PHLDB1: variants seen among roughly 807,000 people sequenced by gnomAD.
PHLDB1 encodes pleckstrin homology like domain family B member 1.
A neutral mutation model predicts 139.3 loss-of-function variants in PHLDB1; 65 were observed. That is an observed-to-expected ratio of 0.47 (90% confidence interval 0.38 to 0.57). The LOEUF (loss-of-function observed/expected upper bound fraction) is 0.57, where lower values mean the gene tolerates loss of function less well. Ranked by LOEUF, PHLDB1 falls within the 20% of genes least tolerant of loss-of-function variation. The pLI is 0.00. For synonymous variants in PHLDB1, 679 were observed against 734.5 expected (o/e 0.92, Z 1.22); for missense variants, 1,624 against 1,839.7 (o/e 0.88, Z 2.14).
chr11:118,638,794 C>T, intron 10 of PHLDB1, 97 bp from the exon 11 acceptor site: 1 of 882,312 alleles, frequency 1.1e-6, no homozygotes, highest in South Asian at 1.8e-5. Context: ...TCCCCTTCAC[C>T]TGAGCCTTGA....
rs782683415 is a variant in PHLDB1, at chr11:118,628,465, A to G, written c.1642A>G (p.Thr548Ala). Residue 548 changes from threonine (T) to alanine (A), a missense_variant, in exon 6 of 23, where the codon ACT becomes GCT. Transcript: ENST00000600882. The part of the protein sequence containing the change: ...LSPAYSLGSL[T>A]GASPCQSPCV... ...CCCAGCCTACAGTCTGGGCTCTCTT[A>G]CTGGGGCTTCACCCTGCCAGAGTCC... 6.8e-5 allele frequency: 110 copies of G among 1,612,352 alleles called. No individual in the cohort carries two copies. Among genetic ancestry groups the G allele is most frequent in the Non-Finnish European group, 9.2e-5 (109 of 1,179,756 alleles).
chr11:118,650,006 G>A lies in PHLDB1; in HGVS notation c.3655-71G>A, dbSNP rs564068667. The A allele has an allele frequency of 2.6e-6, 3 of 1,151,098 alleles. No individual in the cohort carries two copies. In the Admixed American group the frequency reaches 5.1e-5, roughly 19 times the overall value. The allele number at this position is 1,151,098 out of a possible 1,614,324, so 71.3% of individuals were successfully genotyped here. ...CAGGCTGTTGGGGTTTAGAAGTGAA[G>A]CCAAGGGGCCTGGACAGGGGAATAA... On this transcript the variant is annotated intron_variant, in intron 18 of 22. Coordinates refer to ENST00000600882, the MANE Select transcript of PHLDB1 (RefSeq NM_001144758.3). This position sits in a 1 kb window ranked among gnomAD's most constrained non-coding sequence, Gnocchi z 4.7.
At chr11:118,642,509 A>G in intron 13 of PHLDB1, 115 bp downstream of exon 13, 2 of 1,185,864 alleles carry the variant, frequency 1.7e-6, no homozygotes, top group East Asian at 2.4e-5. Context: ...CAGCCCAGTC[A>G]GGGCAATGAG....
In PHLDB1 at chr11:118,644,151, G is replaced by A. The variant is rs782421413; in HGVS notation, c.3098G>A (p.Arg1033His). The A allele has an allele frequency of 5.6e-6, 9 of 1,612,562 alleles. No homozygotes were observed. The highest frequency in any genetic ancestry group is 2.2e-5 in the South Asian group (2 of 90,976). Residue 1033 changes from arginine (R) to histidine (H), a missense_variant, in exon 15 of 23, where the codon CGC becomes CAC. By Grantham distance (29) the Arg-to-His change is conservative. Transcript: ENST00000600882. ...ACACTGCAGGACATCGAGACCAAGC[G>A]CCAACTAGCTCTGCAGCAGAAGGGT... is the stretch of plus-strand genomic sequence containing the variant. ...AATLQDIETK[R>H]QLALQQKGQQ...
Position 118,650,045 on chromosome 11 carries a change from G to A in PHLDB1, c.3655-32G>A. The A allele has an allele frequency of 3.4e-6, 5 of 1,487,480 alleles. No individual in the cohort carries two copies. Among genetic ancestry groups the A allele is most frequent in the Non-Finnish European group, 4.7e-6 (5 of 1,064,600 alleles). 92.1% of individuals were successfully genotyped at this position (1,487,480 alleles called of 1,614,324 possible). On this transcript the variant is annotated intron_variant, in intron 18 of 22. Transcript: ENST00000600882. The surrounding 1 kb of genome is among the most constrained non-coding windows in gnomAD (Gnocchi z 4.7). ...ACAGGGGAATAATGAGGGAAGAGAG[G>A]AGACTCTCCTGACCCTCCCTCTTGC...
At chr11:118,614,440 C>A in intron 2 of PHLDB1, 119 bp from the exon 3 acceptor site, 1 of 1,083,976 alleles carries the variant, frequency 9.2e-7, no homozygotes, top group Non-Finnish European at 1.3e-6. Context: ...CTAAGCCTTT[C>A]AGCACCCTCA....
At chr11:118,646,151 G>A (rs1276263172) in intron 17 of PHLDB1, among the ~76,000 whole-genome samples, 3 of 151,524 alleles carry the variant, frequency 2.0e-5, no homozygotes, top group Non-Finnish European at 4.4e-5. Flanking sequence ...TCCCAGCTGC[G>A]CGGGAGGCTG....
chr11:118,655,941 C>G, intron 22 of PHLDB1, 49 bp downstream of exon 22: 1 of 1,350,778 alleles, frequency 7.4e-7, no homozygotes, highest in Non-Finnish European at 1.1e-6. Context: ...CCTCCTGTAC[C>G]CCACTCATCC....
In PHLDB1 at chr11:118,657,975, T is replaced by G. The variant is rs1591823713; in HGVS notation, c.*1152T>G. 6.6e-6 allele frequency: 2 copies of G among 302,166 alleles called. No individual in the cohort carries two copies. Among genetic ancestry groups the G allele is most frequent in the Non-Finnish European group, 1.2e-5 (2 of 160,958 alleles). The allele number at this position is 302,166 out of a possible 1,614,324, so 18.7% of individuals were successfully genotyped here. A position where few individuals can be genotyped will look rare whatever the true frequency, so the allele number is the denominator to read the frequency against. ...TGGTTGCCTGGGCCCAGGCTGGGGG[T>G]TTTCAGTATTTGTAAGCATTTCAGC... On this transcript the variant is annotated 3_prime_UTR_variant, in exon 23 of 23. Coordinates refer to ENST00000600882, the MANE Select transcript of PHLDB1 (RefSeq NM_001144758.3).
intron 20 of PHLDB1, chr11:118,655,040 G>A (rs1412222658): frequency 6.6e-6 from 1 of 152,610 alleles, no homozygotes; most frequent in Admixed American, 6.5e-5. Context: ...CTTAACAGCT[G>A]TATTTAGTCT....
At chr11:118,653,485 A>G (rs948712501) in intron 20 of PHLDB1, 3 of 152,192 alleles carry the variant, frequency 2.0e-5, no homozygotes, top group Non-Finnish European at 4.4e-5. Context: ...TAACAGTGCC[A>G]CGTTATGTGC....
rs1235516740 is a variant in PHLDB1 at position 118,610,245 on chromosome 11, C to A, written c.-22+2546C>A. ...CTTCACATCCCGGTGGCTCCCCTTC[C>A]CCGCCCCGTCCCTCTGCACACCCCC... is the stretch of plus-strand genomic sequence containing the variant. On this transcript the variant is annotated intron_variant, in intron 1 of 22. Coordinates refer to ENST00000600882, the MANE Select transcript of PHLDB1 (RefSeq NM_001144758.3). This position sits in a 1 kb window ranked among gnomAD's most constrained non-coding sequence, Gnocchi z 8.7. Among the ~76,000 whole-genome samples, 2 of 152,108 alleles carry A rather than the reference C, an allele frequency of 1.3e-5. No individual in the cohort carries two copies. Among genetic ancestry groups the A allele is most frequent in the Non-Finnish European group, 2.9e-5 (2 of 68,010 alleles).
At chr11:118,612,449 T>A (rs1940641122) in intron 1 of PHLDB1, among the ~76,000 whole-genome samples, 1 of 152,164 alleles carries the variant, frequency 6.6e-6, no homozygotes, top group Non-Finnish European at 1.5e-5. Context: ...AGTACAGCAA[T>A]CTTTGTCCTT....
In PHLDB1 at chr11:118,625,135, C is replaced by T. The variant is rs1453034201; in HGVS notation, c.481+76C>T. On this transcript the variant is annotated intron_variant, in intron 5 of 22. Transcript: ENST00000600882. ...TCCTCCTCCTTGCTCACTTCAGCCACACTTGGAGTGTTAGGGCAAGACAAT... is the reference window on the plus strand; with the variant it reads ...TCCTCCTCCTTGCTCACTTCAGCCATACTTGGAGTGTTAGGGCAAGACAAT... 9.4e-6 allele frequency: 14 copies of T among 1,488,408 alleles called. No individual in the cohort carries two copies. The East Asian group carries it at 1.4e-4, about 15-fold the overall frequency. 92.2% of individuals were successfully genotyped at this position (1,488,408 alleles called of 1,614,324 possible).
At chr11:118,635,150 T>A in intron 9 of PHLDB1, 1 of 566,210 alleles carries the variant, frequency 1.8e-6, no homozygotes, top group Non-Finnish European at 3.2e-6. Context: ...CTGCAGTACC[T>A]GCCGGACACC....
rs146018224 is a variant in PHLDB1 at position 118,638,946 on chromosome 11, A to C, written c.2591A>C (p.Gln864Pro). Residue 864 changes from glutamine to proline, a missense_variant, in exon 11 of 23, where the codon CAG becomes CCG. By Grantham distance (76) the Gln-to-Pro change is moderately conservative. Coordinates refer to ENST00000600882, the MANE Select transcript of PHLDB1 (RefSeq NM_001144758.3). ...GGGCAGATCCGGGCTCAGGCCGTGC[A>C]GGAATCAGAACGCCTGGCCCGGGAC... ...QAGQIRAQAVQESERLARDKN... is the reference protein window; with the variant it reads ...QAGQIRAQAVPESERLARDKN... 6 of 1,613,736 alleles carry C rather than the reference A, an allele frequency of 3.7e-6. No homozygotes were observed. The African/African-American group carries it at 8.0e-5, about 22-fold the overall frequency.
At position 118,650,201 on chromosome 11, in the gene PHLDB1, G is replaced by A. The variant is rs782479911; in HGVS notation, c.3771+8G>A. 33 of 1,595,824 alleles carry A rather than the reference G, an allele frequency of 2.1e-5. No individual in the cohort carries two copies. The highest frequency in any genetic ancestry group is 2.8e-5 in the Non-Finnish European group (33 of 1,163,414). On this transcript the variant is annotated splice_region_variant and intron_variant, in intron 19 of 22. Coordinates refer to ENST00000600882, the MANE Select transcript of PHLDB1 (RefSeq NM_001144758.3). The surrounding 1 kb of genome is among the most constrained non-coding windows in gnomAD (Gnocchi z 4.7). The stretch of plus-strand genomic sequence containing the variant: ...GTGGTGCTCAGCAGCAAGGTACAAG[G>A]CGTGTGTGGCCCTGGGGTGCTGGGG...
At chr11:118,614,901 A>AAACAAGG (rs1365095259) in intron 3 of PHLDB1, 13 of 516,004 alleles carry the variant, frequency 2.5e-5, no homozygotes, top group Non-Finnish European at 2.8e-5. Flanking sequence ...ATCAGCTTAG[A>AAACAAGG]AACAAGGAGG....
chr11:118,634,691 T>C (rs2136324439), intron 9 of PHLDB1: 2 of 233,622 alleles, frequency 8.6e-6, no homozygotes, highest in Middle Eastern at 1.8e-3. Context: ...TCTTCACCTC[T>C]TTCCCTCCTC....
Sources: gnomAD v4.1 joint callset for allele counts (sites outside exome capture counted in the v4.1 genomes callset) on GRCh38, gnomAD v4.1.1 for gene constraint, Gnocchi (gnomAD v3.1) non-coding constraint, MANE v1.5 for transcripts, NCBI Gene and HGNC (gene_info 2026-07-23, HGNC 2026-07-21) for gene names.